FSTL4: variants seen among roughly 807,000 people sequenced by gnomAD.
The protein encoded by FSTL4 is follistatin-related protein 4.
In FSTL4, 28 loss-of-function variants were observed where a neutral mutation model predicts 78.2. That is an observed-to-expected ratio of 0.36 (90% CI 0.27 to 0.49). FSTL4 has a LOEUF of 0.49. Ranked by LOEUF, FSTL4 falls within the 20% of genes least tolerant of loss-of-function variation. The pLI is 0.98. For synonymous variants in FSTL4, 422 were observed against 440.5 expected (o/e 0.96, Z 0.53); for missense variants, 922 against 1,084.9 (o/e 0.85, Z 2.11).
At chr5:133,833,559 T>C in the FSTL4 span, among the ~76,000 whole-genome samples, 1 of 152,224 alleles carries the variant, frequency 6.6e-6, no homozygotes, top group Non-Finnish European at 1.5e-5. Flanking sequence ...CATCCTGGGC[T>C]TTCTCCTCAT....
At chr5:133,716,540 C>T in the FSTL4 span, among the ~76,000 whole-genome samples, 1 of 152,132 alleles carries the variant, frequency 6.6e-6, no homozygotes, top group Admixed American at 6.5e-5. Flanking sequence ...GGCAGGACCA[C>T]GGAACTACTT....
At position 133,284,107 on chromosome 5, in the gene FSTL4, C is replaced by A. The variant is rs77042705; in HGVS notation, c.727+28547G>T. On this transcript the variant is annotated intron_variant, in intron 6 of 15. Transcript: ENST00000265342. ...ATGAGATTTGGGTGGGGACATGGAA[C>A]CAAACCATATCAGGCAAAGACCAGG... Among the ~76,000 whole-genome samples the A allele has an allele frequency of 6.6e-5, 10 of 152,266 alleles. No individual in the cohort carries two copies. The East Asian group carries it at 1.5e-3, about 24-fold the overall frequency.
the FSTL4 span, among the ~76,000 whole-genome samples, chr5:133,650,111 A>G: frequency 6.6e-6 from 1 of 152,082 alleles, no homozygotes; most frequent in Admixed American, 6.6e-5. Flanking sequence ...GGGAAGTGCC[A>G]GGCTCTTTCT....
the FSTL4 span, among the ~76,000 whole-genome samples, chr5:133,789,356 GATA>G: frequency 6.6e-6 from 1 of 152,196 alleles, no homozygotes. Flanking sequence ...GCATTAGCAA[GATA>G]ATGTTAGGTT....
intron 2 of FSTL4, among the ~76,000 whole-genome samples, chr5:133,589,823 T>A (rs35564940): frequency 0.02 from 3,089 of 152,270 alleles, 121 homozygotes; most frequent in African/African-American, 0.071. Flanking sequence ...TAGGAATACA[T>A]GCTAGATAGT....
the FSTL4 span, among the ~76,000 whole-genome samples, chr5:133,791,973 G>C: frequency 1.3e-5 from 2 of 152,256 alleles, no homozygotes; most frequent in Non-Finnish European, 2.9e-5. Flanking sequence ...AGATTTAGGA[G>C]TGAGTTGGCA....
chr5:133,272,318 A>G (rs1022055022), intron 6 of FSTL4, among the ~76,000 whole-genome samples: 1 of 152,254 alleles, frequency 6.6e-6, no homozygotes, highest in Non-Finnish European at 1.5e-5. Context: ...ACTTACACTC[A>G]CTGCATTCTT....
chr5:133,335,903 T>C (rs575837008), intron 4 of FSTL4, among the ~76,000 whole-genome samples: 2 of 152,284 alleles, frequency 1.3e-5, no homozygotes, highest in East Asian at 3.9e-4. Flanking sequence ...AATGAACTAA[T>C]GGATCCCAAG....
chr5:133,262,938 G>A (rs575695978), intron 6 of FSTL4, among the ~76,000 whole-genome samples: 1 of 151,994 alleles, frequency 6.6e-6, no homozygotes, highest in Non-Finnish European at 1.5e-5. Flanking sequence ...TTTGGGTGTC[G>A]GGGGGTGGGT....
intron 6 of FSTL4, among the ~76,000 whole-genome samples, chr5:133,311,522 AC>A (rs1172795075): frequency 6.6e-6 from 1 of 152,022 alleles, no homozygotes; most frequent in African/African-American, 2.4e-5. Flanking sequence ...TCATCCAAGT[AC>A]CTCTCTATTT....
At chr5:133,633,561 T>C in the FSTL4 span, among the ~76,000 whole-genome samples, 334 of 152,350 alleles carry the variant, frequency 2.2e-3, no homozygotes, top group Non-Finnish European at 4.1e-3. Flanking sequence ...ATTGTCATGA[T>C]GCCTACTTTA....
chr5:133,224,263 G>T, intron 10 of FSTL4, 47 bp from the exon 11 acceptor site: 2 of 1,489,546 alleles, frequency 1.3e-6, no homozygotes, highest in Non-Finnish European at 1.9e-6. Context: ...TGGAGTCAAG[G>T]AAAAAGAAGA....
intron 7 of FSTL4, among the ~76,000 whole-genome samples, chr5:133,249,197 T>C (rs1187524513): frequency 6.6e-6 from 1 of 152,216 alleles, no homozygotes; most frequent in Non-Finnish European, 1.5e-5. Context: ...TTCTCTTCCT[T>C]AGCCGGACAT....
chr5:133,831,339 A>C, the FSTL4 span, among the ~76,000 whole-genome samples: 3 of 152,146 alleles, frequency 2.0e-5, no homozygotes, highest in Non-Finnish European at 4.4e-5. Context: ...AGGGCCCTAC[A>C]TCTTGAGGTT....
intron 14 of FSTL4, among the ~76,000 whole-genome samples, chr5:133,206,734 T>G (rs368877137): frequency 7.2e-5 from 11 of 152,170 alleles, no homozygotes; most frequent in African/African-American, 2.7e-4. Context: ...TTGTCTATTT[T>G]TGTTTGCTTT....
intron 6 of FSTL4, among the ~76,000 whole-genome samples, chr5:133,269,202 A>G (rs201775152): frequency 6.6e-6 from 1 of 151,914 alleles, no homozygotes; most frequent in East Asian, 1.9e-4. Flanking sequence ...AAAAAAAAAA[A>G]AAAGAAAGAG....
At chr5:133,583,051 C>T (rs1760467125) in intron 2 of FSTL4, among the ~76,000 whole-genome samples, 1 of 152,212 alleles carries the variant, frequency 6.6e-6, no homozygotes, top group Admixed American at 6.5e-5. Context: ...AAGGAGGAGG[C>T]TGTCCCTCCA....
intron 4 of FSTL4, among the ~76,000 whole-genome samples, chr5:133,351,650 C>A (rs1004989607): frequency 1.3e-5 from 2 of 152,044 alleles, no homozygotes; most frequent in African/African-American, 4.8e-5. Context: ...CTGTGTCTCC[C>A]AGGCTGGAGT....
At chr5:133,601,962 G>C (rs1351551249) in intron 2 of FSTL4, among the ~76,000 whole-genome samples, 5 of 151,796 alleles carry the variant, frequency 3.3e-5, no homozygotes, top group Admixed American at 6.6e-5. Flanking sequence ...TGGATTATTA[G>C]GTGTGAGCCA....
Sources: allele counts gnomAD v4.1 joint callset (sites outside exome capture counted in the v4.1 genomes callset), GRCh38; gene constraint gnomAD v4.1.1; transcripts MANE v1.5; gene names NCBI Gene and HGNC (gene_info 2026-07-23, HGNC 2026-07-21).